Variants in MTMR12 observed in about 807,000 individuals in gnomAD.
MTMR12 encodes the protein myotubularin related protein 12.
A neutral mutation model predicts 96.7 loss-of-function variants in MTMR12; 33 were observed. The ratio of observed to expected loss-of-function variants is 0.34; its 90% CI spans 0.26 to 0.46. The LOEUF is 0.46. MTMR12 is among the 20% of genes least tolerant of loss of function. MTMR12 has a pLI of 1.00. For synonymous variants in MTMR12, 298 were observed against 327.2 expected (o/e 0.91, Z 0.96); for missense variants, 721 against 896.1 (o/e 0.80, Z 2.49).
chr5:32,259,700 C>T (rs577185429), intron 7 of MTMR12, among the ~76,000 whole-genome samples: 7 of 152,282 alleles, frequency 4.6e-5, no homozygotes, highest in African/African-American at 1.7e-4. Context: ...AATGAAAACT[C>T]ACAAGGACAC....
chr5:32,306,154 C>T lies in MTMR12; in HGVS notation c.81+6604G>A, dbSNP rs539327535. On this transcript the variant is annotated intron_variant, in intron 1 of 15. Transcript: ENST00000382142. ...TAAGCATGTTTCACTAGTAATATTC[C>T]TTACATTCATAAATGTAAGAATAAG... 2.0e-5 allele frequency among the ~76,000 whole-genome samples: 3 copies of T among 152,136 alleles called. No individual in the cohort carries two copies. In the South Asian group the frequency reaches 6.2e-4, roughly 32 times the overall value.
chr5:32,228,397 A>G lies in MTMR12; in HGVS notation c.*1381T>C, dbSNP rs1166927906. ...GAGCAAATATATGTAAAAGGCGAAC[A>G]TTCAATTTAAAACATTCTAATGAGT... On this transcript the variant is annotated 3_prime_UTR_variant, in exon 16 of 16. Transcript: ENST00000382142. 3 of 151,802 alleles carry G rather than the reference A, an allele frequency of 2.0e-5. No individual in the cohort carries two copies. The highest frequency in any genetic ancestry group is 1.3e-4 in the Admixed American group (2 of 15,212). 9.4% of individuals were successfully genotyped at this position (151,802 alleles called of 1,614,324 possible). A position where few individuals can be genotyped will look rare whatever the true frequency, so the allele number is the denominator to read the frequency against.
At chr5:32,275,482 G>A (rs965941526) in intron 2 of MTMR12, among the ~76,000 whole-genome samples, 28 of 152,124 alleles carry the variant, frequency 1.8e-4, no homozygotes, top group African/African-American at 4.6e-4. Context: ...ATGTACTAGC[G>A]ACCAGAAATT....
rs1581658170 is a variant in MTMR12, at chr5:32,312,674, C to T, written c.81+84G>A. The T allele has an allele frequency of 8.2e-7, 1 of 1,220,842 alleles. No individual in the cohort carries two copies. Among genetic ancestry groups the T allele is most frequent in the Non-Finnish European group, 1.0e-6 (1 of 956,984 alleles). The allele number at this position is 1,220,842 out of a possible 1,614,324, so 75.6% of individuals were successfully genotyped here. On this transcript the variant is annotated intron_variant, in intron 1 of 15. Transcript: ENST00000382142. The surrounding 1 kb of genome is among the most constrained non-coding windows in gnomAD (Gnocchi z 5.0). ...CAAGGGCAGGAAGCGCTCCGCGGCG[C>T]TCCCCGCTGCAAGGAAGGGGCTCCC...
intron 14 of MTMR12, chr5:32,234,692 T>C (rs1295360996): frequency 8.3e-6 from 2 of 240,310 alleles, no homozygotes; most frequent in Non-Finnish European, 1.6e-5. Context: ...TAGGGTGCTG[T>C]AAGGAGTAAG....
At position 32,312,429 on chromosome 5, in the gene MTMR12, C is replaced by T. The variant is rs76072102; in HGVS notation, c.81+329G>A. Among the ~76,000 whole-genome samples the T allele has an allele frequency of 0.017, 2,530 of 152,316 alleles. 34 individuals carry two copies. Among genetic ancestry groups the T allele is most frequent in the Non-Finnish European group, 0.026 (1,764 of 67,998 alleles). ...TGGGGGCTCCGACCCACGGCCCTAC[C>T]CCTCCCAGCAGTGCCCACAACCCCA... On this transcript the variant is annotated intron_variant, in intron 1 of 15. Transcript: ENST00000382142. The surrounding 1 kb of genome is among the most constrained non-coding windows in gnomAD (Gnocchi z 5.0).
intron 1 of MTMR12, among the ~76,000 whole-genome samples, chr5:32,278,340 T>C (rs1039783281): frequency 2.0e-5 from 3 of 152,130 alleles, no homozygotes; most frequent in East Asian, 1.9e-4. Flanking sequence ...CTGTGAAAAA[T>C]TCTACAAGAC....
intron 2 of MTMR12, among the ~76,000 whole-genome samples, chr5:32,274,359 C>A (rs1237919112): frequency 6.6e-6 from 1 of 151,956 alleles, no homozygotes; most frequent in African/African-American, 2.4e-5. Flanking sequence ...CTGTGCAGGA[C>A]ATTTCTCTAT....
chr5:32,304,384 G>A (rs1751275761), intron 1 of MTMR12, among the ~76,000 whole-genome samples: 1 of 151,880 alleles, frequency 6.6e-6, no homozygotes, highest in Non-Finnish European at 1.5e-5. Context: ...ACAAAACACA[G>A]ACATACTTAT....
intron 7 of MTMR12, among the ~76,000 whole-genome samples, chr5:32,258,329 T>G (rs1376156815): frequency 1.3e-5 from 2 of 152,264 alleles, no homozygotes; most frequent in Non-Finnish European, 2.9e-5. Context: ...GGGTGACTGG[T>G]AAGGCATCCC....
At chr5:32,251,899 GGGAAAA>G (rs1748941567) in intron 8 of MTMR12, among the ~76,000 whole-genome samples, 1 of 152,088 alleles carries the variant, frequency 6.6e-6, no homozygotes, top group African/African-American at 2.4e-5. Context: ...CACTGGACTA[GGGAAAA>G]GGTCGTCACT....
Position 32,235,058 on chromosome 5 carries a change from G to C in MTMR12, c.1416C>G (p.Phe472Leu). The change falls in exon 14 of 16, where the codon TTC becomes TTG. Residue 472 changes from phenylalanine (F) to leucine (L), a missense_variant. Phe to Leu is a conservative substitution (Grantham distance 22, BLOSUM62 0). Coordinates refer to ENST00000382142, the MANE Select transcript of MTMR12 (RefSeq NM_001040446.3). ...LVHQHPPAFEFTETYLTVLSD... is the reference protein window; with the variant it reads ...LVHQHPPAFELTETYLTVLSD... ...ACAAAACAGTCAGGTAAGTCTCTGT[G>C]AATTCAAATGCCGGGGGATGCTGGT... The C allele has an allele frequency of 6.2e-7, 1 of 1,614,072 alleles. No individual in the cohort carries two copies. Among genetic ancestry groups the C allele is most frequent in the Non-Finnish European group, 8.5e-7 (1 of 1,179,950 alleles).
chr5:32,305,508 A>C (rs958719711), intron 1 of MTMR12, among the ~76,000 whole-genome samples: 1 of 152,254 alleles, frequency 6.6e-6, no homozygotes, highest in African/African-American at 2.4e-5. Context: ...GTTATCATCT[A>C]TCCGCCAAAG....
intron 1 of MTMR12, among the ~76,000 whole-genome samples, chr5:32,284,768 G>A (rs1750459105): frequency 1.3e-5 from 2 of 152,134 alleles, no homozygotes. Flanking sequence ...TGTTCAATGT[G>A]CAGCAAAAAG....
rs1262579821 is a variant in MTMR12, at chr5:32,233,426, C to A, written c.1674+347G>T. Among the ~76,000 whole-genome samples, 1 of 151,264 alleles carries A rather than the reference C, an allele frequency of 6.6e-6. No individual in the cohort carries two copies. Among genetic ancestry groups the A allele is most frequent in the Non-Finnish European group, 1.5e-5 (1 of 67,948 alleles). On this transcript the variant is annotated intron_variant, in intron 15 of 15. Transcript: ENST00000382142. The surrounding 1 kb of genome is among the most constrained non-coding windows in gnomAD (Gnocchi z 5.0). ...GAACTGGTATCGGCCAAGTAAAACC[C>A]ACACAATCAATGTTCCTTTTACTCT...
At chr5:32,243,877 C>G (rs1748573570) in intron 10 of MTMR12, among the ~76,000 whole-genome samples, 1 of 152,158 alleles carries the variant, frequency 6.6e-6, no homozygotes, top group South Asian at 2.1e-4. Context: ...CATGGTTCAT[C>G]CTGTAGGTCG....
chr5:32,244,780 G>A (rs541931023), intron 10 of MTMR12, among the ~76,000 whole-genome samples: 4 of 152,278 alleles, frequency 2.6e-5, no homozygotes, highest in African/African-American at 9.6e-5. Context: ...AGCTCTTGGT[G>A]TTATATTTCT....
In MTMR12 at chr5:32,256,894, C is replaced by T. The variant is rs994242384; in HGVS notation, c.714-1126G>A. Among the ~76,000 whole-genome samples, 4 of 152,160 alleles carry T rather than the reference C, an allele frequency of 2.6e-5. 1 individual carries two copies. In the South Asian group the frequency reaches 6.2e-4, roughly 24 times the overall value. ...AAGAAAAATATGATGGCTTGAAAATCTATAGATGAAGCAATTTAACAAACC... is the reference window on the plus strand; with the variant it reads ...AAGAAAAATATGATGGCTTGAAAATTTATAGATGAAGCAATTTAACAAACC... On this transcript the variant is annotated intron_variant, in intron 7 of 15. Transcript: ENST00000382142.
chr5:32,232,842 C>A, intron 15 of MTMR12: 1 of 577,140 alleles, frequency 1.7e-6, no homozygotes, highest in Non-Finnish European at 2.2e-6. Flanking sequence ...GGTCCCCAGT[C>A]CTCTTTAGAA....
Sources: allele counts gnomAD v4.1 joint callset (sites outside exome capture counted in the v4.1 genomes callset), GRCh38; gene constraint gnomAD v4.1.1; non-coding constraint Gnocchi (gnomAD v3.1); transcripts MANE v1.5; gene names NCBI Gene and HGNC (gene_info 2026-07-23, HGNC 2026-07-21).